NXPE4: variants seen among roughly 807,000 people sequenced by gnomAD.
The protein encoded by NXPE4 is NXPE family member 4.
A neutral mutation model predicts 33.3 loss-of-function variants in NXPE4; 42 were observed. The ratio of observed to expected loss-of-function variants is 1.26; its 90% CI spans 0.98 to 1.63. The LOEUF (loss-of-function observed/expected upper bound fraction) is 1.63. Ranked by LOEUF, NXPE4 falls within the 40% of genes most tolerant of loss-of-function variation. The probability of loss-of-function intolerance (pLI) is 0.00; values close to 1 mark genes in which losing one functional copy is unlikely to be tolerated. For missense variants in NXPE4, 709 were observed against 647.6 expected (o/e 1.09, Z -1.03); for synonymous variants, 253 against 234.9 (o/e 1.08, Z -0.71).
In NXPE4 at chr11:114,580,246, A is replaced by T. The variant is rs756288737; in HGVS notation, c.985T>A (p.Ser329Thr). The T allele has an allele frequency of 6.2e-7, 1 of 1,613,988 alleles. No homozygotes were observed. Among genetic ancestry groups the T allele is most frequent in the Non-Finnish European group, 8.5e-7 (1 of 1,179,880 alleles). ...ATTTTGACTGTAGCCAAACTACAGGAGACAGGATTCCATGTGTTTCTCCAG... is the reference window on the plus strand; with the variant it reads ...ATTTTGACTGTAGCCAAACTACAGGTGACAGGATTCCATGTGTTTCTCCAG... ...HVWRNTWNPV[S>T]CSLATVKMKE... Residue 329 changes from serine (S) to threonine (T), a missense_variant, in exon 5 of 6, where the codon TCC becomes ACC. Transcript: ENST00000375478.
At chr11:114,577,008 GTTAT>G (rs1381646043) in intron 5 of NXPE4, among the ~76,000 whole-genome samples, 1 of 10,442 alleles carries the variant, frequency 9.6e-5, no homozygotes, top group African/African-American at 4.5e-4. Flanking sequence ...TATATATAAA[GTTAT>G]ATATATATAT....
chr11:114,608,648 T>G, the NXPE4 span, among the ~76,000 whole-genome samples: 2 of 151,840 alleles, frequency 1.3e-5, no homozygotes, highest in Non-Finnish European at 2.9e-5. Flanking sequence ...GCCTCGAGGG[T>G]AACCACTGTT....
At chr11:114,614,728 C>G in the NXPE4 span, among the ~76,000 whole-genome samples, 1 of 148,800 alleles carries the variant, frequency 6.7e-6, no homozygotes, top group African/African-American at 2.5e-5. Context: ...GTGTTGCCTC[C>G]TGCGTAACCA....
the NXPE4 span, among the ~76,000 whole-genome samples, chr11:114,612,314 A>T: frequency 6.6e-6 from 1 of 151,786 alleles, no homozygotes; most frequent in Non-Finnish European, 1.5e-5. Context: ...CTCGCAGGTA[A>T]CCACTGTTAC....
chr11:114,601,064 C>G, the NXPE4 span, among the ~76,000 whole-genome samples: 1 of 151,844 alleles, frequency 6.6e-6, no homozygotes, highest in Admixed American at 6.6e-5. Context: ...CTATCAATGT[C>G]ACACTGTTGT....
the NXPE4 span, among the ~76,000 whole-genome samples, chr11:114,618,454 A>T: frequency 1.3e-5 from 2 of 151,008 alleles, no homozygotes; most frequent in Admixed American, 6.6e-5. Context: ...GTATTGCCTC[A>T]TGGGTAACCA....
the NXPE4 span, among the ~76,000 whole-genome samples, chr11:114,624,401 C>T: frequency 2.6e-5 from 4 of 152,056 alleles, no homozygotes; most frequent in African/African-American, 9.7e-5. Flanking sequence ...AGTATTGCCT[C>T]ATTGGTAACC....
At chr11:114,622,717 C>T in the NXPE4 span, among the ~76,000 whole-genome samples, 144 of 149,038 alleles carry the variant, frequency 9.7e-4, 1 homozygote, top group Middle Eastern at 4.3e-3. Flanking sequence ...GTGGATAATA[C>T]GTGTTCCCTC....
chr11:114,672,856 ATAGT>A, the NXPE4 span, among the ~76,000 whole-genome samples: 10 of 151,844 alleles, frequency 6.6e-5, no homozygotes, highest in East Asian at 3.9e-4. Context: ...TTCAACAATA[ATAGT>A]TAGAGACTTC....
the NXPE4 span, among the ~76,000 whole-genome samples, chr11:114,676,114 A>C: frequency 3.3e-5 from 5 of 152,158 alleles, no homozygotes; most frequent in Admixed American, 6.6e-5. Context: ...AAATGGATTA[A>C]AGACTTAAAC....
At chr11:114,599,176 A>G (rs1347365783), upstream of NXPE4, among the ~76,000 whole-genome samples, 1 of 152,128 alleles carries the variant, frequency 6.6e-6, no homozygotes, top group Non-Finnish European at 1.5e-5. Context: ...ATCACTTTCA[A>G]GGTCAAAGTT....
At chr11:114,593,095 C>G (rs1949498774) in intron 2 of NXPE4, among the ~76,000 whole-genome samples, 1 of 152,074 alleles carries the variant, frequency 6.6e-6, no homozygotes, top group Non-Finnish European at 1.5e-5. Context: ...CTAGGGAATA[C>G]TGTTCAGGAC....
chr11:114,586,491 G>T (rs148097810), intron 2 of NXPE4, among the ~76,000 whole-genome samples: 1 of 152,122 alleles, frequency 6.6e-6, no homozygotes, highest in Non-Finnish European at 1.5e-5. Flanking sequence ...AAAAGTTAGC[G>T]TGGCTACCAG....
intron 2 of NXPE4, among the ~76,000 whole-genome samples, chr11:114,586,246 T>A (rs1949295025): frequency 6.6e-6 from 1 of 152,202 alleles, no homozygotes; most frequent in Non-Finnish European, 1.5e-5. Context: ...ACCTCTGCTC[T>A]TAAACTCACT....
chr11:114,647,805 G>T, the NXPE4 span, among the ~76,000 whole-genome samples: 1 of 151,728 alleles, frequency 6.6e-6, no homozygotes, highest in Non-Finnish European at 1.5e-5. Context: ...GGGTTTAAGC[G>T]ATTCTCCTGC....
At chr11:114,657,288 C>T in the NXPE4 span, among the ~76,000 whole-genome samples, 1 of 152,026 alleles carries the variant, frequency 6.6e-6, no homozygotes, top group African/African-American at 2.4e-5. Context: ...CCAGGGGTCC[C>T]CTTGGGAGAT....
intron 5 of NXPE4, among the ~76,000 whole-genome samples, chr11:114,574,883 A>G (rs1036651177): frequency 3.3e-5 from 5 of 152,178 alleles, no homozygotes; most frequent in Middle Eastern, 3.4e-3. Context: ...GAAGGACACA[A>G]CAAAAAAGAA....
chr11:114,651,391 C>T, the NXPE4 span, among the ~76,000 whole-genome samples: 3 of 152,012 alleles, frequency 2.0e-5, no homozygotes, highest in South Asian at 2.1e-4. Context: ...CTCGTGGTCT[C>T]GCTGGCTTCA....
the NXPE4 span, among the ~76,000 whole-genome samples, chr11:114,632,979 T>C: frequency 1.9e-5 from 2 of 104,146 alleles, no homozygotes; most frequent in Non-Finnish European, 3.4e-5. Context: ...TTATATATTA[T>C]ATATTTTTAT....
Sources: gnomAD v4.1 joint callset for allele counts (sites outside exome capture counted in the v4.1 genomes callset) on GRCh38, gnomAD v4.1.1 for gene constraint, MANE v1.5 for transcripts, NCBI Gene and HGNC (gene_info 2026-07-23, HGNC 2026-07-21) for gene names.